SPRED2: variants seen among roughly 807,000 people sequenced by gnomAD.
The protein encoded by SPRED2 is sprouty related EVH1 domain containing 2, also known as sprouty-related, EVH1 domain-containing protein 2.
Under a neutral mutation model 43.0 loss-of-function variants are expected in SPRED2, and 47 were observed. The observed-to-expected ratio is 1.09, with a 90% confidence interval of 0.87 to 1.40. The LOEUF is 1.40. Ranked by LOEUF, SPRED2 falls within the 40% of genes most tolerant of loss-of-function variation. SPRED2 has a pLI of 0.00. For synonymous variants in SPRED2, 225 were observed against 225.7 expected, an observed-to-expected ratio of 1.00 and a Z score of 0.03; for missense variants, 561 against 586.4, an observed-to-expected ratio of 0.96 and a Z score of 0.45.
intron 1 of SPRED2, among the ~76,000 whole-genome samples, chr2:65,380,965 G>GTGTC (rs1478999760): frequency 2.3e-4 from 35 of 152,238 alleles, no homozygotes. Context: ...TTGCCTTTAT[G>GTGTC]TGTCCTCTTT....
At chr2:65,430,628 G>C (rs1676654982) in intron 1 of SPRED2, among the ~76,000 whole-genome samples, 2 of 152,290 alleles carry the variant, frequency 1.3e-5, no homozygotes, top group East Asian at 3.9e-4. Context: ...AAAAGACCTG[G>C]GGCCTCCGGA....
intron 1 of SPRED2, among the ~76,000 whole-genome samples, chr2:65,400,968 A>T (rs967334495): frequency 4.0e-5 from 6 of 151,804 alleles, no homozygotes; most frequent in Admixed American, 2.0e-4. Flanking sequence ...TCATTTTAAA[A>T]TTTTTATTAG....
intron 1 of SPRED2, among the ~76,000 whole-genome samples, chr2:65,403,691 C>T (rs1028974410): frequency 6.6e-6 from 1 of 152,148 alleles, no homozygotes; most frequent in Non-Finnish European, 1.5e-5. Flanking sequence ...AAGAAAAAAG[C>T]ACCATCTCAG....
chr2:65,340,725 A>G (rs1674151636), intron 2 of SPRED2, among the ~76,000 whole-genome samples: 1 of 152,216 alleles, frequency 6.6e-6, no homozygotes, highest in Admixed American at 6.5e-5. Context: ...CTCAATATGT[A>G]ACGAAACAAA....
At chr2:65,378,672 G>A (rs1572881388) in intron 1 of SPRED2, among the ~76,000 whole-genome samples, 1 of 152,220 alleles carries the variant, frequency 6.6e-6, no homozygotes, top group East Asian at 1.9e-4. Flanking sequence ...ATAAGAGTTG[G>A]TGACCGCACA....
chr2:65,335,066 G>A (rs1172350413), intron 2 of SPRED2, among the ~76,000 whole-genome samples: 1 of 152,116 alleles, frequency 6.6e-6, no homozygotes, highest in African/African-American at 2.4e-5. Flanking sequence ...CAGGTCTTGG[G>A]TCTTGGCTGT....
At chr2:65,384,808 CT>C (rs1036284889) in intron 1 of SPRED2, among the ~76,000 whole-genome samples, 1 of 152,218 alleles carries the variant, frequency 6.6e-6, no homozygotes, top group African/African-American at 2.4e-5. Context: ...ATTCATTTGC[CT>C]GTCTCTCATG....
chr2:65,376,852 C>T (rs906557910), intron 1 of SPRED2, among the ~76,000 whole-genome samples: 6 of 152,164 alleles, frequency 3.9e-5, no homozygotes, highest in Admixed American at 3.9e-4. Context: ...GTAGCTGGGA[C>T]TACAGACGCC....
At chr2:65,366,400 A>G (rs1674979278) in intron 1 of SPRED2, among the ~76,000 whole-genome samples, 1 of 152,362 alleles carries the variant, frequency 6.6e-6, no homozygotes, top group Admixed American at 6.5e-5. Context: ...CTCTGTGTCT[A>G]TCAACAGACC....
chr2:65,332,042 G>A lies in SPRED2; in HGVS notation c.383C>T (p.Thr128Met). The change falls in exon 4 of 6, where the codon ACG becomes ATG. Residue 128 changes from threonine (T) to methionine (M), a missense_variant. Transcript: ENST00000356388. ...AIEDLIEGST[T>M]SSSTIHNEAE... ...TTCATTATGGATGGTGGAAGATGAC[G>A]TTGTTGAACCTAAAAAGACAAAAAT... The A allele has an allele frequency of 1.2e-6, 2 of 1,606,534 alleles. No homozygotes were observed. Among genetic ancestry groups the A allele is most frequent in the Non-Finnish European group, 8.5e-7 (1 of 1,175,334 alleles).
rs552827538 is a variant in SPRED2, at chr2:65,328,414, C to T, written c.438+3573G>A. Among the ~76,000 whole-genome samples the T allele has an allele frequency of 1.2e-4, 19 of 152,290 alleles. No homozygotes were observed. The South Asian group carries it at 1.5e-3, about 12-fold the overall frequency. ...TCTCTGAAAGGCAGCAAGCAGTTTACGGGCTTGCATTCTGGGACAGCAGAG... is the reference window on the plus strand; with the variant it reads ...TCTCTGAAAGGCAGCAAGCAGTTTATGGGCTTGCATTCTGGGACAGCAGAG... On this transcript the variant is annotated intron_variant, in intron 4 of 5. Coordinates refer to ENST00000356388, the MANE Select transcript of SPRED2 (RefSeq NM_181784.3).
rs555966909 is a variant in SPRED2 at position 65,371,998 on chromosome 2, G to A, written c.27-27102C>T. Among the ~76,000 whole-genome samples, 419 of 152,188 alleles carry A rather than the reference G, an allele frequency of 2.8e-3. 3 individuals are homozygous for A. The highest frequency in any genetic ancestry group is 9.1e-3 in the African/African-American group (379 of 41,518). ...TGAGGCAGGAGAATCGTTTGAGCCC[G>A]GGAAGCAGAGGTTGCAGTGAACAGA... On this transcript the variant is annotated intron_variant, in intron 1 of 5. Coordinates refer to ENST00000356388, the MANE Select transcript of SPRED2 (RefSeq NM_181784.3).
chr2:65,313,590 AG>A lies in SPRED2; in HGVS notation c.1167del (p.Cys390ValfsTer16). ...MALIALSFLAPCMCCYLPLRA... is the reference protein window; with the variant it reads ...MALIALSFLAXCMCCYLPLRA... ...CGAAGGGGCAGGTAACAGCACATAC[AG>A]GGGGCCAGGAAAGACAAGGCAATAA... On this transcript the variant is annotated frameshift_variant, in exon 6 of 6. Transcript: ENST00000356388. LOFTEE classifies it high-confidence loss of function. 6.2e-7 allele frequency: 1 copy of A among 1,614,176 alleles called. No homozygotes were observed. The highest frequency in any genetic ancestry group is 8.5e-7 in the Non-Finnish European group (1 of 1,180,010).
chr2:65,334,961 GC>G (rs1673921106), intron 2 of SPRED2, among the ~76,000 whole-genome samples, 188 bp from the exon 3 acceptor site: 1 of 152,138 alleles, frequency 6.6e-6, no homozygotes, highest in African/African-American at 2.4e-5. Flanking sequence ...TCCGATCTTC[GC>G]TGCTCCCCAC....
intron 2 of SPRED2, among the ~76,000 whole-genome samples, chr2:65,338,897 G>C (rs556645987): frequency 6.7e-6 from 1 of 149,872 alleles, no homozygotes; most frequent in African/African-American, 2.5e-5. Flanking sequence ...AGTGAGGAGC[G>C]TCTCTGCCCG....
intron 1 of SPRED2, among the ~76,000 whole-genome samples, chr2:65,352,009 G>A (rs529610831): frequency 6.6e-6 from 1 of 152,144 alleles, no homozygotes; most frequent in Non-Finnish European, 1.5e-5. Context: ...CCTGAAGGTA[G>A]AACACTTGCT....
intron 1 of SPRED2, among the ~76,000 whole-genome samples, chr2:65,373,459 C>T (rs534848678): frequency 3.9e-5 from 6 of 152,324 alleles, no homozygotes; most frequent in Admixed American, 3.9e-4. Context: ...GGATGTGGAT[C>T]TTACCCCAAA....
chr2:65,400,584 C>A (rs1208546985), intron 1 of SPRED2, among the ~76,000 whole-genome samples: 1 of 152,006 alleles, frequency 6.6e-6, no homozygotes, highest in African/African-American at 2.4e-5. Context: ...CATGTTCCAT[C>A]TAGGCCGACT....
intron 1 of SPRED2, among the ~76,000 whole-genome samples, chr2:65,400,191 T>C (rs1179708780): frequency 6.6e-6 from 1 of 152,196 alleles, no homozygotes; most frequent in Non-Finnish European, 1.5e-5. Context: ...TCTTAAATAG[T>C]TATATGACAC....
Sources: gnomAD v4.1 joint callset for allele counts (sites outside exome capture counted in the v4.1 genomes callset) on GRCh38, gnomAD v4.1.1 for gene constraint, MANE v1.5 for transcripts, NCBI Gene and HGNC (gene_info 2026-07-23, HGNC 2026-07-21) for gene names.